KIAA2012: variants seen among roughly 807,000 people sequenced by gnomAD.
KIAA2012 encodes the protein KIAA2012.
A neutral mutation model predicts 150.6 loss-of-function variants in KIAA2012; 125 were observed. The ratio of observed to expected loss-of-function variants is 0.83; its 90% CI spans 0.72 to 0.96. The LOEUF is 0.96. KIAA2012 is among the 40% of genes least tolerant of loss of function. The pLI, the probability that KIAA2012 is intolerant of heterozygous loss-of-function variation, is 0.00. For missense variants in KIAA2012, 1,219 were observed against 1,354.9 expected (o/e 0.90, Z 1.57); for synonymous variants, 462 against 504.7 (o/e 0.92, Z 1.13).
At chr2:202,200,295 T>C (rs1175130668) in intron 22 of KIAA2012, among the ~76,000 whole-genome samples, 1 of 152,134 alleles carries the variant, frequency 6.6e-6, no homozygotes, top group Non-Finnish European at 1.5e-5. Context: ...TGTTCAAACA[T>C]AGCTCAGTTT....
Position 202,184,854 on chromosome 2 carries a change from A to G in KIAA2012, c.2210+11A>G. On this transcript the variant is annotated intron_variant, in intron 16 of 23. Coordinates refer to ENST00000498697, the MANE Select transcript of KIAA2012 (RefSeq NM_001277372.4). Reference sequence around the variant, plus strand: ...TATTGTGCAAAAAGTGTAAGTGTTCAAAGTTGTAATAACATAGGCTTCTCT... The same window carrying G: ...TATTGTGCAAAAAGTGTAAGTGTTCGAAGTTGTAATAACATAGGCTTCTCT... 1.3e-6 allele frequency: 2 copies of G among 1,538,044 alleles called. No homozygotes were observed. Among genetic ancestry groups the G allele is most frequent in the Non-Finnish European group, 1.8e-6 (2 of 1,141,054 alleles).
intron 15 of KIAA2012, among the ~76,000 whole-genome samples, chr2:202,181,689 T>C (rs1236434524): frequency 6.6e-6 from 1 of 152,178 alleles, no homozygotes; most frequent in Non-Finnish European, 1.5e-5. Flanking sequence ...AATATGATAT[T>C]CATTAGATAT....
chr2:202,117,412 T>C (rs1383241250), intron 11 of KIAA2012, among the ~76,000 whole-genome samples: 1 of 152,236 alleles, frequency 6.6e-6, no homozygotes, highest in Non-Finnish European at 1.5e-5. Flanking sequence ...AAAGAATCCT[T>C]CCATGTTGGT....
intron 11 of KIAA2012, among the ~76,000 whole-genome samples, chr2:202,119,783 A>C (rs2105933759): frequency 6.6e-6 from 1 of 152,290 alleles, no homozygotes; most frequent in East Asian, 1.9e-4. Context: ...CAGGAGGATC[A>C]TTTGAGCCCA....
intron 9 of KIAA2012, 26 bp downstream of exon 9, chr2:202,105,936 C>A: frequency 3.2e-6 from 5 of 1,550,830 alleles, no homozygotes; most frequent in Non-Finnish European, 4.4e-6. Flanking sequence ...CTCCAGCATC[C>A]CTCGGGAACC....
intron 13 of KIAA2012, among the ~76,000 whole-genome samples, chr2:202,144,535 T>C (rs780449674): frequency 1.3e-5 from 2 of 152,192 alleles, no homozygotes; most frequent in Non-Finnish European, 2.9e-5. Context: ...AAACAAAAGA[T>C]AAAACACCTG....
At chr2:202,181,963 CAA>C (rs767162281) in intron 15 of KIAA2012, among the ~76,000 whole-genome samples, 3 of 152,066 alleles carry the variant, frequency 2.0e-5, no homozygotes, top group Non-Finnish European at 2.9e-5. Flanking sequence ...TCATCACTCC[CAA>C]AAGTTTCCTC....
intron 10 of KIAA2012, among the ~76,000 whole-genome samples, chr2:202,112,477 C>T (rs756878549): frequency 1.3e-5 from 2 of 152,176 alleles, no homozygotes; most frequent in African/African-American, 4.8e-5. Context: ...AATTGTTGAA[C>T]CCAAGGAGAG....
intron 12 of KIAA2012, among the ~76,000 whole-genome samples, chr2:202,128,490 T>A (rs545722407): frequency 2.0e-5 from 3 of 151,914 alleles, no homozygotes; most frequent in South Asian, 4.1e-4. Flanking sequence ...CAGACTGGTC[T>A]CCAACTTCTG....
chr2:202,085,883 C>G (rs1339853087), intron 2 of KIAA2012, among the ~76,000 whole-genome samples: 1 of 152,094 alleles, frequency 6.6e-6, no homozygotes, highest in African/African-American at 2.4e-5. Flanking sequence ...GAAATGCCCA[C>G]TAATGGCCAG....
chr2:202,182,447 CAACAT>C (rs1692141775), intron 15 of KIAA2012, among the ~76,000 whole-genome samples: 1 of 152,072 alleles, frequency 6.6e-6, no homozygotes, highest in Admixed American at 6.6e-5. Context: ...TTCTTTCACT[CAACAT>C]AATTATTTTG....
intron 13 of KIAA2012, among the ~76,000 whole-genome samples, chr2:202,151,710 AAACC>A (rs1691431551): frequency 6.6e-6 from 1 of 152,296 alleles, no homozygotes; most frequent in South Asian, 2.1e-4. Context: ...GATAAATGAA[AAACC>A]AACCAAGCAC....
At chr2:202,169,257 A>G (rs1691834698) in intron 15 of KIAA2012, among the ~76,000 whole-genome samples, 1 of 152,214 alleles carries the variant, frequency 6.6e-6, no homozygotes, top group Non-Finnish European at 1.5e-5. Context: ...TGAATATGCT[A>G]AGTATTCAAA....
rs1222954691 is a variant in KIAA2012, at chr2:202,154,826, G to A, written c.2046+16G>A. The A allele has an allele frequency of 1.3e-6, 2 of 1,540,646 alleles. No individual in the cohort carries two copies. The highest frequency in any genetic ancestry group is 1.7e-6 in the Non-Finnish European group (2 of 1,143,998). Reference sequence around the variant, plus strand: ...GTTCCTGAAGGTGATCTCACACTGAGAAGACGAGGGGTTTTATAGACACAA... The same window carrying A: ...GTTCCTGAAGGTGATCTCACACTGAAAAGACGAGGGGTTTTATAGACACAA... On this transcript the variant is annotated intron_variant, in intron 14 of 23. Transcript: ENST00000498697.
chr2:202,195,702 C>T (rs1692402178), intron 21 of KIAA2012, among the ~76,000 whole-genome samples: 1 of 152,134 alleles, frequency 6.6e-6, no homozygotes, highest in Non-Finnish European at 1.5e-5. Flanking sequence ...CCCTTCCCTG[C>T]CTCTAGTAAC....
intron 14 of KIAA2012, among the ~76,000 whole-genome samples, chr2:202,159,836 C>G (rs981552988): frequency 2.6e-5 from 4 of 152,078 alleles, no homozygotes; most frequent in Admixed American, 1.3e-4. Flanking sequence ...GAGCAAAAGT[C>G]TGTCTCAAAA....
intron 11 of KIAA2012, among the ~76,000 whole-genome samples, chr2:202,119,821 C>A (rs1002863487): frequency 2.0e-5 from 3 of 152,192 alleles, no homozygotes; most frequent in East Asian, 1.9e-4. Flanking sequence ...TGAGTGATAT[C>A]TTTTGGCTGT....
At position 202,186,944 on chromosome 2, in the gene KIAA2012, A is replaced by C; in HGVS notation, c.2222A>C (p.Tyr741Ser). 1 of 1,550,522 alleles carries C rather than the reference A, an allele frequency of 6.4e-7. No individual in the cohort carries two copies. Among genetic ancestry groups the C allele is most frequent in the Non-Finnish European group, 8.7e-7 (1 of 1,146,952 alleles). Residue 741 changes from tyrosine to serine, a missense_variant, in exon 17 of 24, where the codon TAT becomes TCT. By Grantham distance (144) the Tyr-to-Ser change is moderately radical. Coordinates refer to ENST00000498697, the MANE Select transcript of KIAA2012 (RefSeq NM_001277372.4). ...TGCTCTTTTCAAAGGGGCAGAGATTATGATGTACACCACCTACACAGAGGA... is the reference window on the plus strand; with the variant it reads ...TGCTCTTTTCAAAGGGGCAGAGATTCTGATGTACACCACCTACACAGAGGA... Reference protein sequence around the residue: ...ADIVQKVGRDYDVHHLHRGLL... With the variant: ...ADIVQKVGRDSDVHHLHRGLL...
At chr2:202,132,596 C>T (rs557169924) in intron 12 of KIAA2012, among the ~76,000 whole-genome samples, 106 of 151,160 alleles carry the variant, frequency 7.0e-4, no homozygotes, top group Non-Finnish European at 1.3e-3. Context: ...ATTGCTTGAA[C>T]CCAGGAGGTA....
Sources: gnomAD v4.1 joint callset for allele counts (sites outside exome capture counted in the v4.1 genomes callset) on GRCh38, gnomAD v4.1.1 for gene constraint, MANE v1.5 for transcripts, NCBI Gene and HGNC (gene_info 2026-07-23, HGNC 2026-07-21) for gene names.